LPAR5: variants seen among roughly 807,000 people sequenced by gnomAD.
LPAR5 encodes the protein lysophosphatidic acid receptor 5, also known as G protein-coupled receptor 92.
For synonymous variants in LPAR5, 271 were observed against 261.6 expected (o/e 1.04, Z -0.35); for missense variants, 544 against 521.8 (o/e 1.04, Z -0.41).
chr12:6,619,049 T>C lies in LPAR5; in HGVS notation c.*1081A>G, dbSNP rs1464381103. 6.6e-6 allele frequency: 1 copy of C among 152,246 alleles called. No homozygotes were observed. Among genetic ancestry groups the C allele is most frequent in the Non-Finnish European group, 1.5e-5 (1 of 68,048 alleles). 9.4% of individuals were successfully genotyped at this position (152,246 alleles called of 1,614,324 possible). Reference sequence around the variant, plus strand: ...GCTACACAGATGTTATTTGTCCCTTTCACTCTCATTCTCTCACAAGTATAC... The same window carrying C: ...GCTACACAGATGTTATTTGTCCCTTCCACTCTCATTCTCTCACAAGTATAC... On this transcript the variant is annotated 3_prime_UTR_variant, in exon 2 of 2. Coordinates refer to ENST00000329858, the MANE Select transcript of LPAR5 (RefSeq NM_020400.6).
chr12:6,625,069 G>C (rs978351573), intron 1 of LPAR5, among the ~76,000 whole-genome samples: 8 of 152,146 alleles, frequency 5.3e-5, no homozygotes, highest in African/African-American at 1.9e-4. Flanking sequence ...TGTCATCTTA[G>C]GGAGAGAAGT....
chr12:6,629,868 T>C (rs371900255), intron 1 of LPAR5, among the ~76,000 whole-genome samples: 3 of 144,472 alleles, frequency 2.1e-5, no homozygotes, highest in African/African-American at 7.7e-5. Context: ...CTACTAAAAA[T>C]ACAAAAATTA....
intron 1 of LPAR5, among the ~76,000 whole-genome samples, chr12:6,624,663 C>T (rs564933646): frequency 3.1e-4 from 47 of 152,302 alleles, no homozygotes; most frequent in African/African-American, 1.1e-3. Context: ...TCTTGTTGCG[C>T]AGGCTGGAGT....
In LPAR5 at chr12:6,620,837, C is replaced by T. The variant is rs1317876084; in HGVS notation, c.412G>A (p.Ala138Thr). The change falls in exon 2 of 2, where the codon GCG becomes ACG. Residue 138 changes from alanine to threonine, a missense_variant. Transcript: ENST00000329858. This position sits in a 1 kb window ranked among gnomAD's most constrained non-coding sequence, Gnocchi z 6.8. ...CACACGCCCAGGCAGAGCAGCCGCGCCACGCGGGGCCGCCGCAGGTGGCGC... is the reference window on the plus strand; with the variant it reads ...CACACGCCCAGGCAGAGCAGCCGCGTCACGCGGGGCCGCCGCAGGTGGCGC... ...RLRHLRRPRV[A>T]RLLCLGVWAL... is the part of the protein sequence containing the mutation. The T allele has an allele frequency of 3.2e-6, 5 of 1,559,962 alleles. No individual in the cohort carries two copies. The highest frequency in any genetic ancestry group is 3.8e-5 in the Admixed American group (2 of 51,952).
Position 6,620,684 on chromosome 12 carries a change from G to A in LPAR5, c.565C>T (p.Leu189=), listed in dbSNP as rs1948886402. 5.7e-6 allele frequency: 9 copies of A among 1,568,402 alleles called. No individual in the cohort carries two copies. The highest frequency in any genetic ancestry group is 6.9e-6 in the Non-Finnish European group (8 of 1,156,594). ...GCCTCGGCCAGCAGCACGAGGGGCAGCAGCCTGCCTTTCCACAGCTCGTCG... is the reference window on the plus strand; with the variant it reads ...GCCTCGGCCAGCAGCACGAGGGGCAACAGCCTGCCTTTCCACAGCTCGTCG... ...FSDELWKGRL[L]PLVLLAEALG... The change falls in exon 2 of 2, where the codon CTG becomes TTG. Residue 189 remains leucine (L), a synonymous_variant. Transcript: ENST00000329858. This position sits in a 1 kb window ranked among gnomAD's most constrained non-coding sequence, Gnocchi z 6.8.
At chr12:6,633,548 G>A (rs532679689) in intron 1 of LPAR5, among the ~76,000 whole-genome samples, 1 of 152,222 alleles carries the variant, frequency 6.6e-6, no homozygotes, top group East Asian at 1.9e-4. Flanking sequence ...GAGTAGCTGA[G>A]ACTACAGGCG....
intron 1 of LPAR5, among the ~76,000 whole-genome samples, chr12:6,623,369 A>G (rs1948910385): frequency 6.6e-6 from 1 of 152,110 alleles, no homozygotes; most frequent in South Asian, 2.1e-4. Flanking sequence ...TCTTGCCTCT[A>G]CTAAAAATAC....
At chr12:6,635,690 C>T (rs1022559630) in intron 1 of LPAR5, among the ~76,000 whole-genome samples, 1 of 152,164 alleles carries the variant, frequency 6.6e-6, no homozygotes, top group African/African-American at 2.4e-5. Flanking sequence ...AAGAGGAGCA[C>T]TCCCGAGGTG....
chr12:6,622,009 T>C (rs1261190317), intron 1 of LPAR5, among the ~76,000 whole-genome samples: 1 of 151,434 alleles, frequency 6.6e-6, no homozygotes, highest in Non-Finnish European at 1.5e-5. Flanking sequence ...ACACCTGTAA[T>C]CCCAGCTACT....
intron 1 of LPAR5, among the ~76,000 whole-genome samples, chr12:6,624,651 G>A (rs1438240226): frequency 2.0e-5 from 3 of 151,532 alleles, no homozygotes; most frequent in African/African-American, 7.3e-5. Context: ...ACCTAGTTTC[G>A]CTCTTGTTGC....
At position 6,625,775 on chromosome 12, in the gene LPAR5, G is replaced by A. The variant is rs528290787; in HGVS notation, c.-216-4311C>T. 4.5e-4 allele frequency among the ~76,000 whole-genome samples: 68 copies of A among 151,218 alleles called. 1 individual carries two copies. Among genetic ancestry groups the A allele is most frequent in the African/African-American group, 1.5e-3 (60 of 41,320 alleles). Reference sequence around the variant, plus strand: ...TTGCAAGAAAATAAGTCATAAATCTGGCTATAACAAGTTTTTTGTTTGTTT... The same window carrying A: ...TTGCAAGAAAATAAGTCATAAATCTAGCTATAACAAGTTTTTTGTTTGTTT... On this transcript the variant is annotated intron_variant, in intron 1 of 1. Transcript: ENST00000329858.
intron 1 of LPAR5, among the ~76,000 whole-genome samples, chr12:6,622,801 C>T (rs1185361161): frequency 2.0e-5 from 3 of 151,994 alleles, no homozygotes; most frequent in African/African-American, 7.3e-5. Context: ...CATTGTGGCA[C>T]ATGCCCGTAG....
chr12:6,625,173 C>T (rs1283562769), intron 1 of LPAR5, among the ~76,000 whole-genome samples: 1 of 152,088 alleles, frequency 6.6e-6, no homozygotes, highest in Non-Finnish European at 1.5e-5. Context: ...CGCTGGTAAT[C>T]CCAGCACTTT....
intron 1 of LPAR5, among the ~76,000 whole-genome samples, chr12:6,632,434 C>T (rs569962615): frequency 4.7e-4 from 71 of 152,320 alleles, no homozygotes; most frequent in African/African-American, 1.6e-3. Context: ...CCATCAGTGT[C>T]TCAGCCCCGA....
chr12:6,620,308 G>A lies in LPAR5; in HGVS notation c.941C>T (p.Pro314Leu), dbSNP rs777250292. ...GGTGGCCGAGGTCCTGGCCCGGTGC[G>A]GAGTGCCCAGGCCGCGCAGGGTGTT... ...FRNTLRGLGT[P>L]HRARTSATNG... The change falls in exon 2 of 2, where the codon CCG becomes CTG. Residue 314 changes from proline (P) to leucine (L), a missense_variant. Pro to Leu is a moderately conservative substitution (Grantham distance 98, BLOSUM62 -3). Coordinates refer to ENST00000329858, the MANE Select transcript of LPAR5 (RefSeq NM_020400.6). The surrounding 1 kb of genome is among the most constrained non-coding windows in gnomAD (Gnocchi z 6.8). 5.0e-6 allele frequency: 8 copies of A among 1,606,816 alleles called. No individual in the cohort carries two copies. In the Admixed American group the frequency reaches 1.4e-4, roughly 27 times the overall value.
In LPAR5 at chr12:6,620,576, G is replaced by C. The variant is rs746103321; in HGVS notation, c.673C>G (p.Gln225Glu). 170 of 1,552,720 alleles carry C rather than the reference G, an allele frequency of 1.1e-4. No homozygotes were observed. Among genetic ancestry groups the C allele is most frequent in the Non-Finnish European group, 1.4e-4 (165 of 1,148,488 alleles). The change falls in exon 2 of 2, where the codon CAG becomes GAG. Residue 225 changes from glutamine (Q) to glutamate (E), a missense_variant. By Grantham distance (29) the Gln-to-Glu change is conservative (BLOSUM62 2). Coordinates refer to ENST00000329858, the MANE Select transcript of LPAR5 (RefSeq NM_020400.6). The surrounding 1 kb of genome is among the most constrained non-coding windows in gnomAD (Gnocchi z 6.8). ...FWTLARPDAT[Q>E]SQRRRKTVRL... ...ACGGTCTTCCGCCGCCGCTGGCTCT[G>C]CGTGGCGTCGGGGCGCGCCAGCGTC...
Position 6,620,041 on chromosome 12 carries a change from C to T in LPAR5, c.*89G>A, listed in dbSNP as rs1251581965. 1.9e-6 allele frequency: 3 copies of T among 1,546,486 alleles called. No homozygotes were observed. The highest frequency in any genetic ancestry group is 2.4e-5 in the East Asian group (1 of 42,196). On this transcript the variant is annotated 3_prime_UTR_variant, in exon 2 of 2. Transcript: ENST00000329858. The surrounding 1 kb of genome is among the most constrained non-coding windows in gnomAD (Gnocchi z 6.8). ...ATTGCCACCCAAAGGTCCAAGTGCC[C>T]AGCCCACCTTCTTGTGTGTACACCC...
intron 1 of LPAR5, among the ~76,000 whole-genome samples, chr12:6,632,931 G>A (rs1197026647): frequency 6.6e-6 from 1 of 152,118 alleles, no homozygotes; most frequent in Non-Finnish European, 1.5e-5. Flanking sequence ...GCCCAGGCCT[G>A]CCTGCTTCTC....
At chr12:6,628,022 TTTTTTC>T (rs1381885923) in intron 1 of LPAR5, among the ~76,000 whole-genome samples, 2 of 104,580 alleles carry the variant, frequency 1.9e-5, no homozygotes, top group Non-Finnish European at 4.3e-5. Flanking sequence ...TTTCTTTTTC[TTTTTTC>T]TTTTTTTTTT....
Sources: gnomAD v4.1 joint callset for allele counts (sites outside exome capture counted in the v4.1 genomes callset) on GRCh38, gnomAD v4.1.1 for gene constraint, Gnocchi (gnomAD v3.1) non-coding constraint, MANE v1.5 for transcripts, NCBI Gene and HGNC (gene_info 2026-07-23, HGNC 2026-07-21) for gene names.